The following GNAO1 variants were observed in gnomAD, a reference collection of about 807,000 sequenced individuals.
The protein encoded by GNAO1 is G protein subunit alpha o1.
For synonymous variants in GNAO1, 164 were observed against 180.7 expected (o/e 0.91, Z 0.74); for missense variants, 166 against 478.7 (o/e 0.35, Z 6.10).
rs80302676 is a variant in GNAO1 at position 56,343,684 on chromosome 16, C to T, written c.723+6824C>T. ...AGAGGCCCAAGGCCGGATGGCCACA[C>T]AGGCCAGGCTGGGGTCGTCCATGCC... is the stretch of plus-strand genomic sequence containing the variant. On this transcript the variant is annotated intron_variant, in intron 6 of 8. Coordinates refer to ENST00000262493, the MANE Select transcript of GNAO1 (RefSeq NM_020988.3). 20,540 of 1,181,974 alleles carry T rather than the reference C, an allele frequency of 0.017. 309 individuals are homozygous for T. Among genetic ancestry groups the T allele is most frequent in the Non-Finnish European group, 0.017 (14,519 of 836,180 alleles). The allele number at this position is 1,181,974 out of a possible 1,614,324, so 73.2% of individuals were successfully genotyped here.
At chr16:56,333,967 A>G (rs1219658513) in intron 4 of GNAO1, among the ~76,000 whole-genome samples, 1 of 152,240 alleles carries the variant, frequency 6.6e-6, no homozygotes, top group African/African-American at 2.4e-5. Flanking sequence ...CTTAACCCAC[A>G]ATGAACCCCA....
chr16:56,197,455 G>C (rs973236856), intron 2 of GNAO1, among the ~76,000 whole-genome samples: 4 of 152,198 alleles, frequency 2.6e-5, no homozygotes, highest in Non-Finnish European at 4.4e-5. Context: ...ACTGTGCACT[G>C]AGCTGTAAAT....
intron 2 of GNAO1, among the ~76,000 whole-genome samples, chr16:56,272,266 G>A (rs1474136442): frequency 3.3e-5 from 5 of 151,980 alleles, no homozygotes; most frequent in African/African-American, 4.8e-5. Flanking sequence ...CCGAGATTGC[G>A]CCGCTGCACT....
At chr16:56,288,044 C>T (rs926238688) in intron 3 of GNAO1, among the ~76,000 whole-genome samples, 2 of 152,132 alleles carry the variant, frequency 1.3e-5, no homozygotes, top group Non-Finnish European at 2.9e-5. Flanking sequence ...TCATTAGGGC[C>T]GCCTATGACT....
chr16:56,295,715 C>T (rs909443941), intron 3 of GNAO1, among the ~76,000 whole-genome samples: 9 of 152,248 alleles, frequency 5.9e-5, no homozygotes, highest in Non-Finnish European at 1.0e-4. Flanking sequence ...GCAGCCTTCC[C>T]TCTTCCCAGT....
At chr16:56,292,925 C>T (rs570152591) in intron 3 of GNAO1, among the ~76,000 whole-genome samples, 4 of 152,320 alleles carry the variant, frequency 2.6e-5, no homozygotes, top group African/African-American at 7.2e-5. Context: ...ACATAGTGAA[C>T]GTTAGTTCCT....
chr16:56,222,859 G>A (rs749504944), intron 2 of GNAO1, among the ~76,000 whole-genome samples: 8 of 152,098 alleles, frequency 5.3e-5, no homozygotes, highest in Non-Finnish European at 1.0e-4. Flanking sequence ...ATGATAGCTA[G>A]CATGTTTTGA....
At chr16:56,321,556 G>A (rs995441935) in intron 3 of GNAO1, among the ~76,000 whole-genome samples, 2 of 152,180 alleles carry the variant, frequency 1.3e-5, no homozygotes, top group Non-Finnish European at 2.9e-5. Flanking sequence ...GAGATGGGTT[G>A]GCCAAGCCCA....
chr16:56,336,129 C>A (rs1396421026), intron 5 of GNAO1, among the ~76,000 whole-genome samples: 1 of 152,162 alleles, frequency 6.6e-6, no homozygotes, highest in Non-Finnish European at 1.5e-5. Flanking sequence ...TGTGCCCCCT[C>A]GGGAGTAGAG....
At chr16:56,222,470 A>G (rs187207298) in intron 2 of GNAO1, among the ~76,000 whole-genome samples, 1 of 152,260 alleles carries the variant, frequency 6.6e-6, no homozygotes, top group East Asian at 1.9e-4. Flanking sequence ...AACCAACATG[A>G]TGTGATAACC....
At chr16:56,348,980 G>A (rs1313808425) in intron 6 of GNAO1, among the ~76,000 whole-genome samples, 3 of 152,204 alleles carry the variant, frequency 2.0e-5, no homozygotes, top group African/African-American at 7.2e-5. Context: ...GAGAGCAGGA[G>A]CCTGATGTGG....
At chr16:56,242,449 A>T (rs751388764) in intron 2 of GNAO1, among the ~76,000 whole-genome samples, 2 of 152,250 alleles carry the variant, frequency 1.3e-5, no homozygotes, top group East Asian at 1.9e-4. Context: ...TCAGTACAAC[A>T]TGGTACTAGC....
intron 3 of GNAO1, among the ~76,000 whole-genome samples, chr16:56,298,779 G>C (rs1325596355): frequency 6.6e-6 from 1 of 152,030 alleles, no homozygotes; most frequent in Admixed American, 6.6e-5. Flanking sequence ...ACTGGGCATG[G>C]TGGCGGGCAC....
chr16:56,265,401 G>A (rs1332709085), intron 2 of GNAO1, among the ~76,000 whole-genome samples: 2 of 152,200 alleles, frequency 1.3e-5, no homozygotes, highest in Non-Finnish European at 2.9e-5. Context: ...CGGGCTCACT[G>A]CCCTGTATCC....
At chr16:56,192,748 A>ACACACC in intron 2 of GNAO1, 132 bp downstream of exon 2, 1 of 623,998 alleles carries the variant, frequency 1.6e-6, no homozygotes, top group East Asian at 3.0e-5. Context: ...ACACACACAC[A>ACACACC]CACCCCTATA....
At chr16:56,239,100 T>G (rs2036670122) in intron 2 of GNAO1, among the ~76,000 whole-genome samples, 1 of 152,202 alleles carries the variant, frequency 6.6e-6, no homozygotes, top group Non-Finnish European at 1.5e-5. Context: ...GAAAATACAC[T>G]TCAGTGTCAC....
chr16:56,318,403 A>G (rs2037535658), intron 3 of GNAO1, among the ~76,000 whole-genome samples: 1 of 152,212 alleles, frequency 6.6e-6, no homozygotes, highest in African/African-American at 2.4e-5. Context: ...GGAAGGCGCG[A>G]TGGCCGCCGG....
At chr16:56,303,163 G>C (rs540100727) in intron 3 of GNAO1, among the ~76,000 whole-genome samples, 4 of 152,296 alleles carry the variant, frequency 2.6e-5, no homozygotes, top group African/African-American at 9.6e-5. Context: ...CCTGTGGACT[G>C]CTTCCCATGA....
chr16:56,253,928 G>C (rs191110973), intron 2 of GNAO1, among the ~76,000 whole-genome samples: 46 of 152,300 alleles, frequency 3.0e-4, no homozygotes, highest in Non-Finnish European at 4.4e-4. Flanking sequence ...GTTGTATTAA[G>C]TTCCAGTGTA....
Sources: gnomAD v4.1 joint callset for allele counts (sites outside exome capture counted in the v4.1 genomes callset) on GRCh38, gnomAD v4.1.1 for gene constraint, MANE v1.5 for transcripts, NCBI Gene and HGNC (gene_info 2026-07-23, HGNC 2026-07-21) for gene names.